Variants in MTAP observed in about 807,000 individuals in gnomAD.
The protein encoded by MTAP is S-methyl-5'-thioadenosine phosphorylase.
In MTAP, 33 loss-of-function variants were observed where a neutral mutation model predicts 33.6. That is an observed-to-expected ratio of 0.98 (90% CI 0.74 to 1.31). The LOEUF is 1.31. Among genes scored for constraint, MTAP ranks in the 40% most tolerant of loss-of-function variants. The probability of loss-of-function intolerance (pLI) is 0.00; values close to 1 mark genes in which losing one functional copy is unlikely to be tolerated. For missense variants in MTAP, 367 were observed against 360.0 expected (o/e 1.02, Z -0.16); for synonymous variants, 148 against 125.7 (o/e 1.18, Z -1.19).
At chr9:21,932,595 G>A (rs1442788278), downstream of MTAP, 3 of 152,028 alleles carry the variant, frequency 2.0e-5, no homozygotes, top group Non-Finnish European at 4.4e-5. Flanking sequence ...GCATGCATAA[G>A]GACTATTTCC....
intron 1 of MTAP, among the ~76,000 whole-genome samples, chr9:21,877,678 T>G (rs1484478840): frequency 6.6e-6 from 1 of 152,220 alleles, no homozygotes; most frequent in Non-Finnish European, 1.5e-5. Context: ...TTACATATGT[T>G]GAACCAACCT....
intron 1 of MTAP, among the ~76,000 whole-genome samples, chr9:21,900,110 A>G (rs1255954133): frequency 6.6e-6 from 1 of 152,206 alleles, no homozygotes; most frequent in African/African-American, 2.4e-5. Context: ...CATTCTAGAC[A>G]TAGGCCTTGG....
downstream of MTAP, among the ~76,000 whole-genome samples, chr9:21,868,943 A>T (rs191276317): frequency 2.6e-4 from 40 of 152,280 alleles, 1 homozygote; most frequent in Admixed American, 2.2e-3. Flanking sequence ...TTCCCAGATG[A>T]TGCTGGTCCC....
intron 1 of MTAP, 150 bp downstream of exon 1, chr9:21,802,931 A>C: frequency 7.3e-7 from 1 of 1,378,556 alleles, no homozygotes; most frequent in South Asian, 1.5e-5. Context: ...CTCGGGACTC[A>C]CTTGCCGCGC....
At chr9:21,830,014 G>C (rs1824927804) in intron 4 of MTAP, among the ~76,000 whole-genome samples, 1 of 152,110 alleles carries the variant, frequency 6.6e-6, no homozygotes, top group East Asian at 1.9e-4. Context: ...GGGTGTGACT[G>C]CCCTGGAAAA....
At position 21,845,798 on chromosome 9, in the gene MTAP, A is replaced by G. The variant is rs189191493; in HGVS notation, c.450+7788A>G. On this transcript the variant is annotated intron_variant, in intron 5 of 7. Transcript: ENST00000644715. ...TTATGTGAGACCAAAAAAAGAGCCC[A>G]TATAGCCAAAGCAAGACTAAGCAAA... Among the ~76,000 whole-genome samples the G allele has an allele frequency of 2.0e-5, 3 of 152,304 alleles. 1 individual carries two copies. The highest frequency in any genetic ancestry group is 3.9e-4 in the East Asian group (2 of 5,176).
intron 1 of MTAP, among the ~76,000 whole-genome samples, chr9:21,891,616 T>G (rs1013355834): frequency 6.6e-6 from 1 of 152,200 alleles, no homozygotes; most frequent in East Asian, 1.9e-4. Context: ...CCAAGAAATG[T>G]GGGGTTATAT....
intron 2 of MTAP, among the ~76,000 whole-genome samples, chr9:21,816,489 C>T (rs781293675): frequency 2.3e-4 from 35 of 152,164 alleles, no homozygotes; most frequent in Non-Finnish European, 4.1e-4. Context: ...TAAATGGTAC[C>T]TACACAGGTG....
chr9:21,906,780 A>G (rs1030825212), intron 1 of MTAP, among the ~76,000 whole-genome samples: 1 of 152,368 alleles, frequency 6.6e-6, no homozygotes, highest in East Asian at 1.9e-4. Context: ...TATAACAGCA[A>G]TTATTTATGT....
chr9:21,925,888 C>G (rs1326542388), intron 1 of MTAP, among the ~76,000 whole-genome samples: 1 of 152,192 alleles, frequency 6.6e-6, no homozygotes, highest in African/African-American at 2.4e-5. Flanking sequence ...GGCAATTATC[C>G]TCCAAGGTGA....
intron 1 of MTAP, chr9:21,929,640 C>T: frequency 3.4e-6 from 1 of 297,158 alleles, no homozygotes; most frequent in Non-Finnish European, 7.0e-6. Context: ...CAGCCTGTAC[C>T]AGAGATTGGA....
At chr9:21,934,701 T>G (rs142964284), downstream of MTAP, 3 of 151,978 alleles carry the variant, frequency 2.0e-5, no homozygotes, top group African/African-American at 7.2e-5. The surrounding 1 kb of genome is among the most constrained non-coding windows in gnomAD (Gnocchi z 5.0). Flanking sequence ...ATTTAACTTT[T>G]TTTTGGTTTT....
intron 5 of MTAP, among the ~76,000 whole-genome samples, chr9:21,854,257 C>A (rs1180276202): frequency 6.6e-6 from 1 of 152,214 alleles, no homozygotes; most frequent in Non-Finnish European, 1.5e-5. Flanking sequence ...TTAGCTTAGC[C>A]TGCGAGGTTA....
At position 21,863,378 on chromosome 9, in the gene MTAP, C is replaced by T. The variant is rs185814873; in HGVS notation, c.*1364C>T. The T allele has an allele frequency of 2.2e-5, 19 of 877,956 alleles. No individual in the cohort carries two copies. The highest frequency in any genetic ancestry group is 1.2e-4 in the Admixed American group (2 of 16,124). The allele number at this position is 877,956 out of a possible 1,614,324, so 54.4% of individuals were successfully genotyped here. A position where few individuals can be genotyped will look rare whatever the true frequency, so the allele number is the denominator to read the frequency against. On this transcript the variant is annotated 3_prime_UTR_variant, in exon 8 of 8. Transcript: ENST00000644715. Reference sequence around the variant, plus strand: ...ATCCCAGCACTGTGGGAGGCCGAGACGGGTGGATCACAAGGTCAGGAGATC... The same window carrying T: ...ATCCCAGCACTGTGGGAGGCCGAGATGGGTGGATCACAAGGTCAGGAGATC...
rs1033209233 is a variant in MTAP, at chr9:21,865,177, G to C, written c.*3163G>C. 26 of 821,264 alleles carry C rather than the reference G, an allele frequency of 3.2e-5. No homozygotes were observed. In the African/African-American group the frequency reaches 4.8e-4, roughly 15 times the overall value. The allele number at this position is 821,264 out of a possible 1,614,324, so 50.9% of individuals were successfully genotyped here. ...CCAGTGGGAGGTAATTAAATCATGG[G>C]GGTGGTTACCCCCACACTGCTGTTC... On this transcript the variant is annotated 3_prime_UTR_variant, in exon 8 of 8. Coordinates refer to ENST00000644715, the MANE Select transcript of MTAP (RefSeq NM_002451.4).
intron 5 of MTAP, among the ~76,000 whole-genome samples, chr9:21,849,007 A>G (rs1021030970): frequency 6.6e-6 from 1 of 152,194 alleles, no homozygotes; most frequent in South Asian, 2.1e-4. Context: ...AGTAAAATTC[A>G]TAGGAGGCCT....
intron 1 of MTAP, among the ~76,000 whole-genome samples, chr9:21,879,301 A>G (rs370829305): frequency 6.6e-6 from 1 of 152,066 alleles, no homozygotes; most frequent in East Asian, 1.9e-4. Context: ...TTACCATTAT[A>G]TAATGCCCTT....
chr9:21,925,841 T>C (rs1039541347), intron 1 of MTAP, among the ~76,000 whole-genome samples: 29 of 152,330 alleles, frequency 1.9e-4, no homozygotes, highest in African/African-American at 7.0e-4. Flanking sequence ...ATAAGTTTTC[T>C]TTGGGAAATG....
At chr9:21,890,579 A>G (rs978348119) in intron 1 of MTAP, among the ~76,000 whole-genome samples, 2 of 152,190 alleles carry the variant, frequency 1.3e-5, no homozygotes, top group African/African-American at 4.8e-5. Context: ...CTTGTGAGAA[A>G]AAGTCAGAAA....
Sources: gnomAD v4.1 joint callset for allele counts (sites outside exome capture counted in the v4.1 genomes callset) on GRCh38, gnomAD v4.1.1 for gene constraint, Gnocchi (gnomAD v3.1) non-coding constraint, MANE v1.5 for transcripts, NCBI Gene and HGNC (gene_info 2026-07-23, HGNC 2026-07-21) for gene names.